WSCD2: variants seen among roughly 807,000 people sequenced by gnomAD.
WSCD2 encodes sialate:O-sulfotransferase 2.
In WSCD2, 28 loss-of-function variants were observed where a neutral mutation model predicts 55.7. That is an observed-to-expected ratio of 0.50 (90% CI 0.37 to 0.69). WSCD2 has a LOEUF of 0.69. Among genes scored for constraint, WSCD2 ranks in the 30% least tolerant of loss-of-function variants. The pLI is 0.00. For synonymous variants in WSCD2, 301 were observed against 301.9 expected, an observed-to-expected ratio of 1.00 and a Z score of 0.03; for missense variants, 616 against 762.1, an observed-to-expected ratio of 0.81 and a Z score of 2.26.
chr12:108,136,491 G>A (rs1876230274), intron 1 of WSCD2, among the ~76,000 whole-genome samples: 1 of 152,144 alleles, frequency 6.6e-6, no homozygotes, highest in African/African-American at 2.4e-5. Context: ...ACCCTGACCT[G>A]GGGACCTTCC....
At chr12:108,235,025 C>T (rs1889142350) in intron 7 of WSCD2, among the ~76,000 whole-genome samples, 1 of 152,216 alleles carries the variant, frequency 6.6e-6, no homozygotes, top group African/African-American at 2.4e-5. Flanking sequence ...CTAACTCAAC[C>T]TCCTAACTTC....
intron 7 of WSCD2, 117 bp downstream of exon 7, chr12:108,233,012 C>T (rs1412136793): frequency 7.2e-7 from 1 of 1,387,052 alleles, no homozygotes; most frequent in Admixed American, 2.3e-5. Flanking sequence ...TCAGCTCTCC[C>T]AGGCACACTT....
At chr12:108,218,838 C>T (rs775110793) in intron 4 of WSCD2, among the ~76,000 whole-genome samples, 49 of 152,152 alleles carry the variant, frequency 3.2e-4, no homozygotes, top group Non-Finnish European at 6.3e-4. Flanking sequence ...GCTGTGGGCA[C>T]CAGGTGCAAG....
At position 108,240,460 on chromosome 12, in the gene WSCD2, C is replaced by T. The variant is rs577976234; in HGVS notation, c.1261C>T (p.Pro421Ser). ...FDAAILLIRN[P>S]YKALMAEFNR... ...CGCCGCCATCCTGCTCATCCGCAAC[C>T]CCTACAAAGCCCTCATGGCTGAGTT... Residue 421 changes from proline to serine, a missense_variant, in exon 8 of 9, where the codon CCC (proline) becomes TCC (serine). Physicochemically the swap from Pro to Ser is moderately conservative, Grantham distance 74. Around this residue, in one of 3 missense-constraint regions of WSCD2, gnomAD observed 234 missense variants for 264.6 expected, o/e 0.88. Transcript: ENST00000547525. 6.2e-7 allele frequency: 1 copy of T among 1,614,080 alleles called. No individual in the cohort carries two copies. The highest frequency in any genetic ancestry group is 1.1e-5 in the South Asian group (1 of 91,084).
At chr12:108,142,771 C>T (rs188862432) in intron 1 of WSCD2, among the ~76,000 whole-genome samples, 76 of 152,274 alleles carry the variant, frequency 5.0e-4, no homozygotes, top group Admixed American at 1.2e-3. Flanking sequence ...GGTCACCTCT[C>T]TCTTTTCCTT....
intron 7 of WSCD2, 108 bp from the exon 8 acceptor site, chr12:108,240,236 T>A (rs889491734): frequency 1.5e-6 from 2 of 1,371,000 alleles, no homozygotes; most frequent in Admixed American, 1.8e-5. Flanking sequence ...CGCGAATGAC[T>A]GAGTGAACAA....
chr12:108,192,773 A>G (rs4964235), intron 1 of WSCD2, among the ~76,000 whole-genome samples: 123,824 of 152,020 alleles, frequency 0.81, 50,592 homozygotes, highest in East Asian at 0.91. Context: ...TGCAAGACCT[A>G]CTGGCTCAAA....
chr12:108,163,301 G>A (rs772746585), intron 1 of WSCD2, among the ~76,000 whole-genome samples: 48 of 152,136 alleles, frequency 3.2e-4, no homozygotes, highest in Middle Eastern at 6.8e-3. Flanking sequence ...CCTGGGAGGC[G>A]GAGCTTGCAG....
At chr12:108,216,327 T>G (rs997390186) in intron 4 of WSCD2, among the ~76,000 whole-genome samples, 2 of 152,244 alleles carry the variant, frequency 1.3e-5, no homozygotes, top group Admixed American at 6.5e-5. Flanking sequence ...CACAACATAC[T>G]TAGCACTAAT....
chr12:108,130,551 GACCA>G (rs947870367), intron 1 of WSCD2, among the ~76,000 whole-genome samples: 1 of 151,410 alleles, frequency 6.6e-6, no homozygotes, highest in Non-Finnish European at 1.5e-5. Context: ...GAGACTAGGG[GACCA>G]ACTCAGCCAA....
At chr12:108,209,026 G>T (rs576221526) in intron 3 of WSCD2, among the ~76,000 whole-genome samples, 2 of 152,086 alleles carry the variant, frequency 1.3e-5, no homozygotes, top group Middle Eastern at 3.2e-3. Context: ...CTCTTTTATG[G>T]GTTTTCCTGA....
rs950348036 is a variant in WSCD2 at position 108,131,086 on chromosome 12, G to A, written c.-552+1160G>A. On this transcript the variant is annotated intron_variant, in intron 1 of 8. Transcript: ENST00000547525. ...TTCTTGGGGTGTGAGGTGGGATTCC[G>A]ATCTCAGGCCAAGTTAGAGCTGCGT... 3.9e-5 allele frequency among the ~76,000 whole-genome samples: 6 copies of A among 152,106 alleles called. No homozygotes were observed. In the East Asian group the frequency reaches 9.6e-4, roughly 24 times the overall value.
chr12:108,141,532 G>A lies in WSCD2; in HGVS notation c.-552+11606G>A, dbSNP rs187795969. On this transcript the variant is annotated intron_variant, in intron 1 of 8. Coordinates refer to ENST00000547525, the MANE Select transcript of WSCD2 (RefSeq NM_014653.4). ...TTACCTTTTCCAGCATTGGAGGGCT[G>A]CCCATATTCCTTGGTTCATAGCCCC... Among the ~76,000 whole-genome samples, 4 of 152,282 alleles carry A rather than the reference G, an allele frequency of 2.6e-5. No individual in the cohort carries two copies. In the East Asian group the frequency reaches 5.8e-4, roughly 22 times the overall value.
At chr12:108,208,355 C>T (rs543670702) in intron 3 of WSCD2, among the ~76,000 whole-genome samples, 1 of 152,294 alleles carries the variant, frequency 6.6e-6, no homozygotes, top group African/African-American at 2.4e-5. Flanking sequence ...TGCTATGAGC[C>T]ACATTCCACA....
At chr12:108,234,138 T>C (rs369351921) in intron 7 of WSCD2, among the ~76,000 whole-genome samples, 1 of 152,202 alleles carries the variant, frequency 6.6e-6, no homozygotes, top group Non-Finnish European at 1.5e-5. Context: ...GCTGATGAGC[T>C]AAAAATAAAA....
intron 1 of WSCD2, among the ~76,000 whole-genome samples, chr12:108,137,080 T>C (rs190562345): frequency 6.6e-6 from 1 of 152,260 alleles, no homozygotes; most frequent in Admixed American, 6.5e-5. Flanking sequence ...ATCACCCACA[T>C]TTCTTCCCCA....
intron 1 of WSCD2, among the ~76,000 whole-genome samples, chr12:108,137,317 G>T (rs1386939867): frequency 6.6e-6 from 1 of 152,178 alleles, no homozygotes; most frequent in Non-Finnish European, 1.5e-5. Flanking sequence ...CAATAAGAAA[G>T]TAGTCTGATT....
chr12:108,130,562 C>A (rs1393959261), intron 1 of WSCD2, among the ~76,000 whole-genome samples: 3 of 150,584 alleles, frequency 2.0e-5, no homozygotes, highest in African/African-American at 7.3e-5. Context: ...ACCAACTCAG[C>A]CAAATCGCCT....
rs1313878191 is a variant in WSCD2 at position 108,242,384 on chromosome 12, A to G, written c.1345+1840A>G. 4.6e-5 allele frequency among the ~76,000 whole-genome samples: 7 copies of G among 152,296 alleles called. No homozygotes were observed. The East Asian group carries it at 1.4e-3, about 29-fold the overall frequency. Reference sequence around the variant, plus strand: ...TATTTATTGGTAGAACAGTCAATCAAAAGCAAAACTGGTCACCAGGCTGAG... The same window carrying G: ...TATTTATTGGTAGAACAGTCAATCAGAAGCAAAACTGGTCACCAGGCTGAG... On this transcript the variant is annotated intron_variant, in intron 8 of 8. Coordinates refer to ENST00000547525, the MANE Select transcript of WSCD2 (RefSeq NM_014653.4).
Sources: allele counts gnomAD v4.1 joint callset (sites outside exome capture counted in the v4.1 genomes callset), GRCh38; gene constraint gnomAD v4.1.1; regional missense constraint gnomAD v4.1.1; transcripts MANE v1.5; gene names NCBI Gene and HGNC (gene_info 2026-07-23, HGNC 2026-07-21).